HMGA2: variants seen among roughly 807,000 people sequenced by gnomAD.
The protein encoded by HMGA2 is high mobility group protein HMGI-C.
Under a neutral mutation model 19.1 loss-of-function variants are expected in HMGA2, and 8 were observed. The observed-to-expected ratio is 0.42, with a 90% CI of 0.25 to 0.76. The LOEUF is 0.76. HMGA2 is among the 30% of genes least tolerant of loss of function. The pLI is 0.28. For synonymous variants in HMGA2, 60 were observed against 48.8 expected, an observed-to-expected ratio of 1.23 and a Z score of -0.96; for missense variants, 109 against 136.3, an observed-to-expected ratio of 0.80 and a Z score of 1.00.
chr12:65,825,637 G>T lies in HMGA2; in HGVS notation c.111+256G>T, dbSNP rs756520859. 3.9e-4 allele frequency among the ~76,000 whole-genome samples: 59 copies of T among 152,008 alleles called. No homozygotes were observed. Among genetic ancestry groups the T allele is most frequent in the Non-Finnish European group, 6.0e-4 (41 of 67,914 alleles). On this transcript the variant is annotated intron_variant, in intron 1 of 4. Transcript: ENST00000403681. This position sits in a 1 kb window ranked among gnomAD's most constrained non-coding sequence, Gnocchi z 4.4. ...GGCGGGAGGTGGGGTCGGGCGAAGC[G>T]CGTCCTCGGACTTTCGCTATTGTGC...
chr12:65,830,121 C>G (rs1023007786), intron 2 of HMGA2, among the ~76,000 whole-genome samples: 1 of 151,806 alleles, frequency 6.6e-6, no homozygotes, highest in Non-Finnish European at 1.5e-5. Flanking sequence ...ATACATTTGC[C>G]CATAACATGA....
At chr12:65,827,406 C>G (rs1433371294) in intron 1 of HMGA2, among the ~76,000 whole-genome samples, 4 of 152,282 alleles carry the variant, frequency 2.6e-5, no homozygotes, top group Non-Finnish European at 5.9e-5. Flanking sequence ...CATAGATTTA[C>G]TATAATTATT....
At chr12:65,831,741 A>G (rs2120842349) in intron 2 of HMGA2, among the ~76,000 whole-genome samples, 1 of 152,014 alleles carries the variant, frequency 6.6e-6, no homozygotes, top group East Asian at 1.9e-4. Flanking sequence ...GCTTTTCATA[A>G]TCATTACCCA....
chr12:65,923,528 C>A (rs1238782706), intron 3 of HMGA2, among the ~76,000 whole-genome samples: 1 of 152,186 alleles, frequency 6.6e-6, no homozygotes, highest in Non-Finnish European at 1.5e-5. Context: ...AGCACTGGAC[C>A]AGTCCAACAA....
chr12:65,898,683 C>T (rs1377977079), intron 3 of HMGA2, among the ~76,000 whole-genome samples: 4 of 152,076 alleles, frequency 2.6e-5, no homozygotes, highest in South Asian at 2.1e-4. Context: ...CTATGTCCAG[C>T]GCATGATTCA....
intron 3 of HMGA2, among the ~76,000 whole-genome samples, chr12:65,946,188 A>G (rs764386702): frequency 1.6e-4 from 24 of 152,196 alleles, no homozygotes; most frequent in Admixed American, 3.9e-4. Flanking sequence ...GTCTTATACT[A>G]TATTGCTATG....
intron 3 of HMGA2, among the ~76,000 whole-genome samples, chr12:65,931,394 C>G (rs1875704409): frequency 1.3e-5 from 2 of 152,034 alleles, no homozygotes; most frequent in African/African-American, 4.8e-5. Context: ...TCCTTCTTTA[C>G]CCCCTCCCGA....
intron 4 of HMGA2, among the ~76,000 whole-genome samples, chr12:65,961,811 T>G (rs1344314785): frequency 1.3e-5 from 2 of 152,076 alleles, no homozygotes; most frequent in African/African-American, 4.8e-5. Flanking sequence ...TCTTGTGGGG[T>G]TTTTTTCTCC....
intron 3 of HMGA2, among the ~76,000 whole-genome samples, chr12:65,940,193 A>G (rs1876045375): frequency 6.6e-6 from 1 of 152,194 alleles, no homozygotes; most frequent in Admixed American, 6.5e-5. Context: ...TCTTTTCTAT[A>G]GAGTTTTCAA....
At chr12:65,888,457 C>T (rs1004268019) in intron 3 of HMGA2, among the ~76,000 whole-genome samples, 1 of 149,744 alleles carries the variant, frequency 6.7e-6, no homozygotes, top group Non-Finnish European at 1.5e-5. Context: ...TCAGTCCCCC[C>T]CAAAAAAAGA....
intron 3 of HMGA2, among the ~76,000 whole-genome samples, chr12:65,947,516 G>C (rs1006251959): frequency 1.3e-5 from 2 of 152,152 alleles, no homozygotes; most frequent in Non-Finnish European, 2.9e-5. Flanking sequence ...TCACCCCATT[G>C]TATTTTAGAA....
intron 3 of HMGA2, among the ~76,000 whole-genome samples, chr12:65,888,181 T>G (rs1397290595): frequency 6.6e-6 from 1 of 151,902 alleles, no homozygotes; most frequent in Admixed American, 6.6e-5. Context: ...ACCGACTGAG[T>G]GCAGTGGCAC....
Position 65,936,928 on chromosome 12 carries a change from A to T in HMGA2, c.250-14455A>T, listed in dbSNP as rs1031115630. 5.9e-5 allele frequency among the ~76,000 whole-genome samples: 9 copies of T among 152,188 alleles called. No individual in the cohort carries two copies. In the South Asian group the frequency reaches 1.9e-3, roughly 32 times the overall value. ...ACTATCTTGAACTTCCTTTCCCTGT[A>T]TGTGAAGGGAATGGAACTCACCAGG... is the stretch of plus-strand genomic sequence containing the variant. On this transcript the variant is annotated intron_variant, in intron 3 of 4. Transcript: ENST00000403681.
chr12:65,947,839 T>G (rs909337101), intron 3 of HMGA2, among the ~76,000 whole-genome samples: 2 of 152,218 alleles, frequency 1.3e-5, no homozygotes, highest in African/African-American at 4.8e-5. Flanking sequence ...AGCTGGACTT[T>G]GCAGGTCTGA....
intron 3 of HMGA2, among the ~76,000 whole-genome samples, chr12:65,928,985 T>C (rs1875613851): frequency 6.6e-6 from 1 of 152,242 alleles, no homozygotes; most frequent in Non-Finnish European, 1.5e-5. Flanking sequence ...TGTATGTATC[T>C]TACTTTGGGA....
At position 65,899,570 on chromosome 12, in the gene HMGA2, G is replaced by C. The variant is rs188482873; in HGVS notation, c.250-51813G>C. Among the ~76,000 whole-genome samples, 35 of 152,300 alleles carry C rather than the reference G, an allele frequency of 2.3e-4. 1 individual carries two copies. The highest frequency in any genetic ancestry group is 8.4e-4 in the African/African-American group (35 of 41,574). ...TTATCTCTGGATGAGAGGAATTTTG[G>C]CCTGGGAAAGGAACTGGAAACGTTC... On this transcript the variant is annotated intron_variant, in intron 3 of 4. Transcript: ENST00000403681.
At chr12:65,914,694 G>C (rs1592442171) in intron 3 of HMGA2, 1 of 292,424 alleles carries the variant, frequency 3.4e-6, no homozygotes, top group African/African-American at 2.2e-5. Context: ...TTGTTTTTGA[G>C]ACGGAGTCTT....
chr12:65,843,695 C>T (rs1871105764), intron 3 of HMGA2, among the ~76,000 whole-genome samples: 1 of 150,926 alleles, frequency 6.6e-6, no homozygotes, highest in South Asian at 2.1e-4. Flanking sequence ...CACACACACA[C>T]ACAAGCACAC....
intron 3 of HMGA2, among the ~76,000 whole-genome samples, chr12:65,941,468 C>T (rs953100153): frequency 2.0e-5 from 3 of 152,108 alleles, no homozygotes; most frequent in Non-Finnish European, 2.9e-5. Flanking sequence ...ATTAAGCTTC[C>T]TCCAAGAAAA....
Sources: gnomAD v4.1 joint callset for allele counts (sites outside exome capture counted in the v4.1 genomes callset) on GRCh38, gnomAD v4.1.1 for gene constraint, Gnocchi (gnomAD v3.1) non-coding constraint, MANE v1.5 for transcripts, NCBI Gene and HGNC (gene_info 2026-07-23, HGNC 2026-07-21) for gene names.